Variants in DSCAML1 observed in about 807,000 individuals in gnomAD.
DSCAML1 encodes the protein DS cell adhesion molecule like 1.
In DSCAML1, 38 loss-of-function variants were observed where a neutral mutation model predicts 200.5. The ratio of observed to expected loss-of-function variants is 0.19; its 90% CI spans 0.15 to 0.25. DSCAML1 has a LOEUF of 0.25. DSCAML1 is among the 10% of genes least tolerant of loss of function. The pLI is 1.00. For synonymous variants in DSCAML1, 1,215 were observed against 1,165.0 expected (o/e 1.04, Z -0.87); for missense variants, 2,223 against 2,858.8 (o/e 0.78, Z 5.07).
intron 3 of DSCAML1, among the ~76,000 whole-genome samples, chr11:117,750,972 C>G (rs1471869682): frequency 3.3e-5 from 5 of 152,142 alleles, no homozygotes; most frequent in Non-Finnish European, 7.4e-5. Flanking sequence ...CATCTTGCCC[C>G]CAGGTCACAG....
chr11:117,623,216 C>CTTTTTTTTTTTTTTTTTT (rs56343852), intron 3 of DSCAML1, among the ~76,000 whole-genome samples: 12 of 121,112 alleles, frequency 9.9e-5, no homozygotes, highest in Non-Finnish European at 9.9e-5. Flanking sequence ...CTTTTCTTTT[C>CTTTTTTTTTTTTTTTTTT]TTTTTTTTTT....
chr11:117,795,162 C>T (rs995833950), intron 1 of DSCAML1, among the ~76,000 whole-genome samples: 3 of 152,160 alleles, frequency 2.0e-5, no homozygotes, highest in African/African-American at 7.2e-5. Flanking sequence ...TGCTGAGGGG[C>T]CTCCTGCACT....
chr11:117,652,119 G>A (rs527907262), intron 3 of DSCAML1, among the ~76,000 whole-genome samples: 2 of 152,306 alleles, frequency 1.3e-5, no homozygotes, highest in East Asian at 3.9e-4. Context: ...GGCCACACTG[G>A]ACTTATCGAG....
In DSCAML1 at chr11:117,443,931, G is replaced by A. The variant is rs772494685; in HGVS notation, c.3817C>T (p.Arg1273Trp). The change falls in exon 21 of 33, where the codon CGG (arginine) becomes TGG (tryptophan). Residue 1273 changes from arginine (R) to tryptophan (W), a missense_variant. This residue lies in a region of DSCAML1 where 614 missense variants were observed against 739.1 expected (regional missense o/e 0.83). Transcript: ENST00000651296. ...LWVAAVTSAGRGNSSEKVTIE... is the reference protein window; with the variant it reads ...LWVAAVTSAGWGNSSEKVTIE... ...GTCACCTTCTCGCTGCTGTTGCCCC[G>A]GCCGGCAGAGGTGACGGCGGCCACC... 3 of 1,612,718 alleles carry A rather than the reference G, an allele frequency of 1.9e-6. No homozygotes were observed. Among genetic ancestry groups the A allele is most frequent in the East Asian group, 2.2e-5 (1 of 44,878 alleles).
chr11:117,539,782 T>G (rs1354455435), intron 3 of DSCAML1, among the ~76,000 whole-genome samples: 1 of 151,918 alleles, frequency 6.6e-6, no homozygotes, highest in Non-Finnish European at 1.5e-5. Context: ...TGGGTATATA[T>G]CCAAAAGAAC....
At chr11:117,794,027 C>T (rs1421258962) in intron 1 of DSCAML1, among the ~76,000 whole-genome samples, 1 of 100,688 alleles carries the variant, frequency 9.9e-6, no homozygotes, top group Non-Finnish European at 1.9e-5. Context: ...ACACATTTCC[C>T]CATTGCCCCC....
intron 3 of DSCAML1, among the ~76,000 whole-genome samples, chr11:117,670,888 A>G (rs2053092582): frequency 6.6e-6 from 1 of 152,142 alleles, no homozygotes; most frequent in Non-Finnish European, 1.5e-5. Flanking sequence ...CTGGGCACGC[A>G]ATAACTTGAC....
chr11:117,443,895 C>A lies in DSCAML1; in HGVS notation c.3853G>T (p.Ala1285Ser), dbSNP rs2048121623. ...GCCTCAGGCTTCTCACCCTTGCCAG[C>A]AGGCTCGATGGTCACCTTCTCGCTG... ...NSSEKVTIEP[A>S]GKAPAKIISF... Residue 1285 changes from alanine (A) to serine (S), a missense_variant, in exon 21 of 33, where the codon GCT (alanine) becomes TCT (serine). Physicochemically the swap from Ala to Ser is moderately conservative, Grantham distance 99. Around this residue, in one of 7 missense-constraint regions of DSCAML1, gnomAD observed 614 missense variants for 739.1 expected, o/e 0.83. Transcript: ENST00000651296. 2 of 1,604,766 alleles carry A rather than the reference C, an allele frequency of 1.2e-6. No individual in the cohort carries two copies. Among genetic ancestry groups the A allele is most frequent in the Non-Finnish European group, 1.7e-6 (2 of 1,175,996 alleles).
chr11:117,712,368 T>G (rs117310785), intron 3 of DSCAML1, among the ~76,000 whole-genome samples: 7 of 152,176 alleles, frequency 4.6e-5, no homozygotes, highest in Non-Finnish European at 7.4e-5. Context: ...ATCTGTACCA[T>G]TTGGGGCTGT....
At chr11:117,802,402 C>T (rs779413424) in intron 1 of DSCAML1, among the ~76,000 whole-genome samples, 5 of 152,146 alleles carry the variant, frequency 3.3e-5, no homozygotes, top group African/African-American at 4.8e-5. Flanking sequence ...CACTGGGCTC[C>T]GACCCTTTCG....
At chr11:117,445,811 T>A (rs889969870) in intron 20 of DSCAML1, among the ~76,000 whole-genome samples, 1 of 152,162 alleles carries the variant, frequency 6.6e-6, no homozygotes, top group African/African-American at 2.4e-5. Flanking sequence ...GGTATTAGCA[T>A]CCAACCCAGA....
At chr11:117,713,852 T>G in intron 3 of DSCAML1, among the ~76,000 whole-genome samples, 1 of 152,086 alleles carries the variant, frequency 6.6e-6, no homozygotes, top group East Asian at 1.9e-4. Context: ...CCCCAGACAC[T>G]ACTACTGAGG....
intron 3 of DSCAML1, among the ~76,000 whole-genome samples, chr11:117,666,859 G>T (rs1488993214): frequency 6.6e-6 from 1 of 152,230 alleles, no homozygotes; most frequent in Non-Finnish European, 1.5e-5. Flanking sequence ...TGATGGATCT[G>T]GAGTGCCTAG....
rs1345026250 is a variant in DSCAML1 at position 117,484,184 on chromosome 11, G to C, written c.2360-2022C>G. 5.3e-5 allele frequency among the ~76,000 whole-genome samples: 8 copies of C among 152,242 alleles called. No homozygotes were observed. In the East Asian group the frequency reaches 1.4e-3, roughly 26 times the overall value. On this transcript the variant is annotated intron_variant, in intron 11 of 32. Coordinates refer to ENST00000651296, the MANE Select transcript of DSCAML1 (RefSeq NM_020693.4). ...AAAGTTGTTCCCAGCAAACTCTCCA[G>C]GGACGTCTGACTTTTATGGACAAAT...
At chr11:117,789,117 T>C (rs1261470639) in intron 1 of DSCAML1, among the ~76,000 whole-genome samples, 1 of 152,178 alleles carries the variant, frequency 6.6e-6, no homozygotes, top group Non-Finnish European at 1.5e-5. Context: ...GAAACATGGG[T>C]GGTTTTGCTG....
chr11:117,769,141 ATTATATATATT>A (rs2054954292), intron 3 of DSCAML1, among the ~76,000 whole-genome samples: 1 of 108,176 alleles, frequency 9.2e-6, no homozygotes, highest in African/African-American at 3.5e-5. Flanking sequence ...TATATTATAT[ATTATATATATT>A]TTATATATAT....
chr11:117,567,692 A>G (rs2137429765), intron 3 of DSCAML1, among the ~76,000 whole-genome samples: 1 of 152,378 alleles, frequency 6.6e-6, no homozygotes, highest in African/African-American at 2.4e-5. Flanking sequence ...GAATCTGTGA[A>G]TAGACCAATA....
intron 8 of DSCAML1, among the ~76,000 whole-genome samples, chr11:117,506,292 A>G (rs2049496133): frequency 6.6e-6 from 1 of 152,204 alleles, no homozygotes; most frequent in African/African-American, 2.4e-5. Flanking sequence ...GGCGAGTGGA[A>G]GCTCACATCA....
At position 117,513,871 on chromosome 11, in the gene DSCAML1, G is replaced by A. The variant is rs540866753; in HGVS notation, c.1783+2596C>T. Among the ~76,000 whole-genome samples the A allele has an allele frequency of 3.3e-5, 5 of 152,178 alleles. No homozygotes were observed. In the South Asian group the frequency reaches 1.0e-3, roughly 32 times the overall value. Reference sequence around the variant, plus strand: ...ACTGTCTGGCACTGTGATGGGTGTTGGGCACACAGGCTTGTGACTCGGCTC... The same window carrying A: ...ACTGTCTGGCACTGTGATGGGTGTTAGGCACACAGGCTTGTGACTCGGCTC... On this transcript the variant is annotated intron_variant, in intron 8 of 32. Transcript: ENST00000651296.
Sources: allele counts gnomAD v4.1 joint callset (sites outside exome capture counted in the v4.1 genomes callset), GRCh38; gene constraint gnomAD v4.1.1; regional missense constraint gnomAD v4.1.1; transcripts MANE v1.5; gene names NCBI Gene and HGNC (gene_info 2026-07-23, HGNC 2026-07-21).